CSRNP3: variants seen among roughly 807,000 people sequenced by gnomAD.
The protein encoded by CSRNP3 is cysteine/serine-rich nuclear protein 3.
CSRNP3 carries 12 observed loss-of-function variants against 48.0 expected under a neutral mutation model. The ratio of observed to expected loss-of-function variants is 0.25; its 90% CI spans 0.16 to 0.41. The LOEUF is 0.41. Among genes scored for constraint, CSRNP3 ranks in the 10% least tolerant of loss-of-function variants. The pLI is 1.00. For synonymous variants in CSRNP3, 263 were observed against 269.7 expected (o/e 0.98, Z 0.24); for missense variants, 580 against 724.4 (o/e 0.80, Z 2.29).
intron 3 of CSRNP3, among the ~76,000 whole-genome samples, chr2:165,584,108 T>C (rs924155681): frequency 1.3e-5 from 2 of 152,190 alleles, no homozygotes; most frequent in African/African-American, 4.8e-5. Flanking sequence ...AATTACTATG[T>C]TTTTCATGAA....
intron 4 of CSRNP3, among the ~76,000 whole-genome samples, chr2:165,601,540 G>T (rs770885207): frequency 6.6e-6 from 1 of 152,166 alleles, no homozygotes; most frequent in African/African-American, 2.4e-5. Flanking sequence ...AAAAAGTGTT[G>T]TGTGATTAGG....
chr2:165,626,961 C>T (rs779538637), intron 4 of CSRNP3, among the ~76,000 whole-genome samples: 2 of 152,158 alleles, frequency 1.3e-5, no homozygotes, highest in African/African-American at 2.4e-5. Context: ...TTGCTGGCCT[C>T]GTTTCTCATG....
At chr2:165,574,427 C>T (rs749550746) in intron 3 of CSRNP3, 339 of 1,545,700 alleles carry the variant, frequency 2.2e-4, no homozygotes, top group Non-Finnish European at 2.8e-4. Flanking sequence ...ATATAGTGCA[C>T]GCAGGTATGG....
At chr2:165,585,626 T>A (rs1685615422) in intron 3 of CSRNP3, among the ~76,000 whole-genome samples, 1 of 152,200 alleles carries the variant, frequency 6.6e-6, no homozygotes, top group Non-Finnish European at 1.5e-5. Context: ...AGAATAGAAC[T>A]TTATCATAGT....
In CSRNP3 at chr2:165,526,129, A is replaced by T. The variant is rs551498754; in HGVS notation, c.-24+8168A>T. 2.6e-5 allele frequency among the ~76,000 whole-genome samples: 4 copies of T among 152,268 alleles called. No individual in the cohort carries two copies. The South Asian group carries it at 8.3e-4, about 32-fold the overall frequency. ...CTTTTTCTATTATCACACTGTCTTT[A>T]TTACAGTAGCTTTACAGTAAGTCTT... On this transcript the variant is annotated intron_variant, in intron 3 of 6. Transcript: ENST00000651982.
In CSRNP3 at chr2:165,499,418, A is replaced by AAG. The variant is rs902142422; in HGVS notation, c.-113+4500_-113+4501dup. On this transcript the variant is annotated intron_variant, in intron 2 of 6. Coordinates refer to ENST00000651982, the MANE Select transcript of CSRNP3 (RefSeq NM_001172173.2). ...AACATGGTTCTGCTTAAAAGAAAAAAAGAGAGAGAGACAGTTGGTGCGATT... is the reference window on the plus strand; with the variant it reads ...AACATGGTTCTGCTTAAAAGAAAAAAAGAGAGAGAGAGACAGTTGGTGCGATT... 7.9e-5 allele frequency among the ~76,000 whole-genome samples: 12 copies of AAG among 152,264 alleles called. No individual in the cohort carries two copies. The South Asian group carries it at 2.3e-3, about 29-fold the overall frequency.
At chr2:165,511,171 G>A (rs941935053) in intron 2 of CSRNP3, among the ~76,000 whole-genome samples, 9 of 152,152 alleles carry the variant, frequency 5.9e-5, no homozygotes, top group Non-Finnish European at 1.3e-4. Flanking sequence ...TGCTGACCTC[G>A]ATAAGTGTTA....
At chr2:165,510,538 A>G (rs553426263) in intron 2 of CSRNP3, among the ~76,000 whole-genome samples, 119 of 152,122 alleles carry the variant, frequency 7.8e-4, no homozygotes, top group African/African-American at 2.8e-3. Flanking sequence ...TATTTACACA[A>G]TGTTTCAGGT....
At position 165,683,729 on chromosome 2, in the gene CSRNP3, G is replaced by A. The variant is rs781178003; in HGVS notation, c.*3976G>A. ...GAGGGGAACACTACAAATTATAATG[G>A]ATAATATTAATGAAGGGTGGCATGA... is the stretch of plus-strand genomic sequence containing the variant. On this transcript the variant is annotated 3_prime_UTR_variant, in exon 7 of 7. Coordinates refer to ENST00000651982, the MANE Select transcript of CSRNP3 (RefSeq NM_001172173.2). The A allele has an allele frequency of 3.3e-5, 5 of 151,968 alleles. No individual in the cohort carries two copies. The highest frequency in any genetic ancestry group is 7.4e-5 in the Non-Finnish European group (5 of 67,946). The allele number at this position is 151,968 out of a possible 1,614,324, so 9.4% of individuals were successfully genotyped here. A position where few individuals can be genotyped will look rare whatever the true frequency, so the allele number is the denominator to read the frequency against.
At position 165,679,534 on chromosome 2, in the gene CSRNP3, G is replaced by T; in HGVS notation, c.1539G>T (p.Val513=). 6.2e-7 allele frequency: 1 copy of T among 1,613,744 alleles called. No individual in the cohort carries two copies. The highest frequency in any genetic ancestry group is 1.3e-5 in the African/African-American group (1 of 74,922). The part of the protein sequence containing the change: ...CCSSSENDSG[V]PCNSLYPEHR... ...CCTCTTCCGAAAATGATAGCGGTGTGCCCTGCAATAGTTTATATCCTGAAC... is the reference window on the plus strand; with the variant it reads ...CCTCTTCCGAAAATGATAGCGGTGTTCCCTGCAATAGTTTATATCCTGAAC... Residue 513 remains valine, a synonymous_variant, in exon 7 of 7, where the codon GTG becomes GTT. Coordinates refer to ENST00000651982, the MANE Select transcript of CSRNP3 (RefSeq NM_001172173.2).
rs1187962253 is a variant in CSRNP3 at position 165,657,846 on chromosome 2, G to A, written c.234G>A (p.Arg78=). Residue 78 remains arginine, a synonymous_variant, in exon 5 of 7, where the codon AGG becomes AGA. Transcript: ENST00000651982. ...TCACCGTGTACTACTTCACCAGGAG[G>A]CAAGGCTTCACAAGTGTGCCCAGTC... ...SCVTVYYFTR[R]QGFTSVPSQG... The A allele has an allele frequency of 8.1e-6, 13 of 1,614,010 alleles. No homozygotes were observed. The highest frequency in any genetic ancestry group is 2.7e-5 in the African/African-American group (2 of 74,992).
chr2:165,596,419 C>G lies in CSRNP3; in HGVS notation c.148+1206C>G, dbSNP rs150754986. 1.2e-3 allele frequency among the ~76,000 whole-genome samples: 175 copies of G among 152,042 alleles called. 1 individual carries two copies. Among genetic ancestry groups the G allele is most frequent in the African/African-American group, 4.2e-3 (173 of 41,514 alleles). ...TTCTATAACAAAGAATTTACTTTGG[C>G]AATGTAGCAACTCAAACAACTAAAT... On this transcript the variant is annotated intron_variant, in intron 4 of 6. Transcript: ENST00000651982.
intron 3 of CSRNP3, among the ~76,000 whole-genome samples, chr2:165,593,834 C>A (rs904088058): frequency 2.0e-5 from 3 of 152,282 alleles, no homozygotes; most frequent in African/African-American, 7.2e-5. Flanking sequence ...AAAGATTGGA[C>A]ATCCCTAATC....
intron 2 of CSRNP3, among the ~76,000 whole-genome samples, chr2:165,503,190 T>C (rs551037394): frequency 6.6e-6 from 1 of 152,114 alleles, no homozygotes; most frequent in Admixed American, 6.6e-5. Context: ...TGTACACAAA[T>C]AATTGCTCCT....
chr2:165,634,257 C>A (rs1686590623), intron 4 of CSRNP3, among the ~76,000 whole-genome samples: 1 of 152,026 alleles, frequency 6.6e-6, no homozygotes, highest in African/African-American at 2.4e-5. Flanking sequence ...GAAGAATCAT[C>A]TGAACCTGGG....
chr2:165,518,035 T>G (rs1240161688), intron 3 of CSRNP3, 74 bp downstream of exon 3: 6 of 152,330 alleles, frequency 3.9e-5, no homozygotes, highest in African/African-American at 1.4e-4. Context: ...GTTTCAAGTT[T>G]CTAATGTGTA....
intron 4 of CSRNP3, among the ~76,000 whole-genome samples, chr2:165,629,490 C>T (rs1221383763): frequency 1.3e-5 from 2 of 152,172 alleles, no homozygotes; most frequent in African/African-American, 4.8e-5. Context: ...CTTCAAAACG[C>T]TATGAATCCA....
At chr2:165,565,957 G>A (rs1298443292) in intron 3 of CSRNP3, among the ~76,000 whole-genome samples, 1 of 151,868 alleles carries the variant, frequency 6.6e-6, no homozygotes, top group Non-Finnish European at 1.5e-5. Flanking sequence ...CTTTAATCGG[G>A]CCACTGAGGG....
chr2:165,541,068 C>T (rs1436523962), intron 3 of CSRNP3, among the ~76,000 whole-genome samples: 3 of 151,946 alleles, frequency 2.0e-5, no homozygotes, highest in Non-Finnish European at 4.4e-5. Context: ...ATTTTATATA[C>T]CACCAAACAA....
Sources: gnomAD v4.1 joint callset for allele counts (sites outside exome capture counted in the v4.1 genomes callset) on GRCh38, gnomAD v4.1.1 for gene constraint, MANE v1.5 for transcripts, NCBI Gene and HGNC (gene_info 2026-07-23, HGNC 2026-07-21) for gene names.